MAP3K19: variants seen among roughly 807,000 people sequenced by gnomAD.
The protein encoded by MAP3K19 is mitogen-activated protein kinase kinase kinase 19, also known as SPS1/STE20-related protein kinase YSK4.
Under a neutral mutation model 114.4 loss-of-function variants are expected in MAP3K19, and 91 were observed. That is an observed-to-expected ratio of 0.80 (90% CI 0.67 to 0.95). The LOEUF is 0.95. Among genes scored for constraint, MAP3K19 ranks in the 40% least tolerant of loss-of-function variants. The probability of loss-of-function intolerance (pLI) is 0.00; values close to 1 mark genes in which losing one functional copy is unlikely to be tolerated. For missense variants in MAP3K19, 1,471 were observed against 1,573.2 expected (o/e 0.94, Z 1.10); for synonymous variants, 518 against 530.5 (o/e 0.98, Z 0.32).
rs1683212558 is a variant in MAP3K19 at position 134,964,517 on chromosome 2, A to AATTTTAATGT, written c.*332_*333insACATTAAAAT. On this transcript the variant is annotated 3_prime_UTR_variant, in exon 13 of 13. Coordinates refer to ENST00000392915, the MANE Select transcript of MAP3K19 (RefSeq NM_025052.5). ...TGTTTTTACAATTTATTTTAAACTA[A>AATTTTAATGT]CAACATTAAAATTGACAGGACAGGC... 1 of 169,660 alleles carries AATTTTAATGT rather than the reference A, an allele frequency of 5.9e-6. No individual in the cohort carries two copies. The highest frequency in any genetic ancestry group is 1.3e-5 in the Non-Finnish European group (1 of 79,622). The allele number at this position is 169,660 out of a possible 1,614,324, so 10.5% of individuals were successfully genotyped here. A position where few individuals can be genotyped will look rare whatever the true frequency, so the allele number is the denominator to read the frequency against.
chr2:135,027,649 A>G (rs1045398584), intron 3 of MAP3K19, among the ~76,000 whole-genome samples: 2 of 152,334 alleles, frequency 1.3e-5, no homozygotes. Flanking sequence ...GGGTCAAGCC[A>G]TGTTGGTTTG....
chr2:135,022,008 A>C (rs184590549), intron 4 of MAP3K19, among the ~76,000 whole-genome samples, 178 bp from the exon 5 acceptor site: 101 of 152,030 alleles, frequency 6.6e-4, no homozygotes, highest in African/African-American at 2.3e-3. Context: ...ATGTGAAGAC[A>C]AGAGTCCACG....
intron 12 of MAP3K19, among the ~76,000 whole-genome samples, chr2:134,972,548 T>C (rs1311578145): frequency 6.6e-6 from 1 of 152,130 alleles, no homozygotes; most frequent in African/African-American, 2.4e-5. Context: ...AGTCTCGAAC[T>C]CTTGGGTTCA....
At chr2:134,980,371 T>G (rs1684547154) in intron 12 of MAP3K19, among the ~76,000 whole-genome samples, 1 of 152,176 alleles carries the variant, frequency 6.6e-6, no homozygotes, top group Non-Finnish European at 1.5e-5. Context: ...AACAGGCAAT[T>G]TTCTAAGGCT....
At chr2:134,970,923 C>A (rs1226305555) in intron 12 of MAP3K19, among the ~76,000 whole-genome samples, 1 of 152,144 alleles carries the variant, frequency 6.6e-6, no homozygotes, top group Non-Finnish European at 1.5e-5. Context: ...TTTCTCTTGC[C>A]TAATCACTCT....
intron 12 of MAP3K19, among the ~76,000 whole-genome samples, chr2:134,967,873 T>TTTTTTTATTA (rs2105129271): frequency 6.6e-6 from 1 of 151,542 alleles, no homozygotes; most frequent in Non-Finnish European, 1.5e-5. Context: ...TTTTTTTTTA[T>TTTTTTTATTA]TTTTTATTGA....
At chr2:134,991,494 T>G (rs748374090) in intron 9 of MAP3K19, 43 bp downstream of exon 9, 23 of 1,536,260 alleles carry the variant, frequency 1.5e-5, no homozygotes, top group South Asian at 3.4e-5. Context: ...ATAGAGTTGT[T>G]TGGTTTTAAT....
Position 134,998,866 on chromosome 2 carries a change from G to A in MAP3K19, c.446C>T (p.Ser149Phe). The stretch of plus-strand genomic sequence containing the variant: ...CAAGTTCACATTGCAGAGCTCCCTG[G>A]AACTTTCCTCTTTTTGCAAAACTAA... ...RPLVLQKEES[S>F]RELCNVNLGF... The change falls in exon 8 of 13, where the codon TCC becomes TTC. Residue 149 changes from serine (S) to phenylalanine (F), a missense_variant. Ser to Phe is a radical substitution (Grantham distance 155). Coordinates refer to ENST00000392915, the MANE Select transcript of MAP3K19 (RefSeq NM_025052.5). The A allele has an allele frequency of 1.9e-6, 3 of 1,614,156 alleles. No individual in the cohort carries two copies. The highest frequency in any genetic ancestry group is 1.1e-5 in the South Asian group (1 of 91,090).
chr2:134,968,518 T>C (rs1363369092), intron 12 of MAP3K19, among the ~76,000 whole-genome samples: 10 of 142,024 alleles, frequency 7.0e-5, no homozygotes, highest in African/African-American at 1.1e-4. Flanking sequence ...CCGGACGGGG[T>C]GGCTGCCGGG....
In MAP3K19 at chr2:134,981,380, C is replaced by T; in HGVS notation, c.3361G>A (p.Val1121Ile). The change falls in exon 12 of 13, where the codon GTC (valine) becomes ATC (isoleucine). Residue 1121 changes from valine to isoleucine, a missense_variant. Coordinates refer to ENST00000392915, the MANE Select transcript of MAP3K19 (RefSeq NM_025052.5). ...EVDLLKALKH[V>I]NIVAYLGTCL... is the part of the protein sequence containing the mutation. Reference sequence around the variant, plus strand: ...GTCCCCAAATAGGCCACAATGTTGACATGTTTCAGTGCTTTGAGCAAATCT... The same window carrying T: ...GTCCCCAAATAGGCCACAATGTTGATATGTTTCAGTGCTTTGAGCAAATCT... 6.2e-7 allele frequency: 1 copy of T among 1,614,210 alleles called. No homozygotes were observed. Among genetic ancestry groups the T allele is most frequent in the Admixed American group, 1.7e-5 (1 of 60,028 alleles).
intron 5 of MAP3K19, among the ~76,000 whole-genome samples, chr2:135,011,469 G>A (rs55730752): frequency 0.046 from 6,892 of 150,516 alleles, 480 homozygotes; most frequent in African/African-American, 0.15. Flanking sequence ...CCCGGGAGGC[G>A]GAGCTTGCAG....
At chr2:134,990,466 T>G (rs935144801) in intron 9 of MAP3K19, among the ~76,000 whole-genome samples, 2 of 151,342 alleles carry the variant, frequency 1.3e-5, no homozygotes, top group African/African-American at 4.9e-5. Context: ...TTTTGTTTTT[T>G]TTTTTTGTTT....
intron 5 of MAP3K19, among the ~76,000 whole-genome samples, chr2:135,020,184 A>AT (rs1216182276): frequency 1.3e-5 from 2 of 151,964 alleles, no homozygotes; most frequent in African/African-American, 4.8e-5. Flanking sequence ...AGCCTGGCTA[A>AT]TTTTTTGTAT....
intron 1 of MAP3K19, among the ~76,000 whole-genome samples, chr2:135,041,831 A>G (rs533381159): frequency 9.9e-5 from 15 of 151,686 alleles, no homozygotes; most frequent in African/African-American, 3.6e-4. Flanking sequence ...GATAGCTAAG[A>G]AAAACAAACA....
chr2:135,033,257 T>G (rs1574053875), intron 2 of MAP3K19, among the ~76,000 whole-genome samples: 2 of 95,428 alleles, frequency 2.1e-5, no homozygotes, highest in African/African-American at 5.9e-5. Flanking sequence ...CCCCCCCACC[T>G]CCCTCCCAGA....
chr2:135,031,142 A>G (rs80293384), intron 2 of MAP3K19, among the ~76,000 whole-genome samples: 4,002 of 149,894 alleles, frequency 0.027, 161 homozygotes, highest in African/African-American at 0.093. Context: ...AGTCTAGTGA[A>G]GAACAGAGAC....
At chr2:134,980,768 C>T (rs1289871288) in intron 12 of MAP3K19, 53 bp downstream of exon 12, 4 of 1,512,820 alleles carry the variant, frequency 2.6e-6, no homozygotes, top group South Asian at 2.4e-5. Flanking sequence ...GAAATGTCTG[C>T]CACTTGGAAT....
At chr2:135,025,413 T>G (rs1447926944) in intron 3 of MAP3K19, among the ~76,000 whole-genome samples, 2 of 122,286 alleles carry the variant, frequency 1.6e-5, no homozygotes, top group Non-Finnish European at 3.2e-5. Context: ...TGAGGCGGAG[T>G]CTTGCTCTGT....
intron 12 of MAP3K19, among the ~76,000 whole-genome samples, chr2:134,966,339 G>A (rs1378044046): frequency 6.6e-6 from 1 of 151,924 alleles, no homozygotes; most frequent in Non-Finnish European, 1.5e-5. Context: ...CATAATGGCT[G>A]TATTAATTTA....
Sources: gnomAD v4.1 joint callset for allele counts (sites outside exome capture counted in the v4.1 genomes callset) on GRCh38, gnomAD v4.1.1 for gene constraint, MANE v1.5 for transcripts, NCBI Gene and HGNC (gene_info 2026-07-23, HGNC 2026-07-21) for gene names.